The following OPA3 variants were observed in gnomAD, a reference collection of about 807,000 sequenced individuals.
OPA3 encodes the protein outer mitochondrial membrane lipid metabolism regulator OPA3.
In OPA3, 6 loss-of-function variants were observed where a neutral mutation model predicts 4.0. That is an observed-to-expected ratio of 1.51 (90% CI 0.83 to 2.99). The LOEUF is 2.99. OPA3 is among the 30% of genes most tolerant of loss of function. The pLI, the probability that OPA3 is intolerant of heterozygous loss-of-function variation, is 0.00. For missense variants in OPA3, 235 were observed against 256.2 expected (o/e 0.92, Z 0.56); for synonymous variants, 105 against 117.1 (o/e 0.90, Z 0.67).
chr19:45,577,420 C>CTT (rs2122509170), intron 1 of OPA3, among the ~76,000 whole-genome samples: 1 of 152,276 alleles, frequency 6.6e-6, no homozygotes, highest in South Asian at 2.1e-4. Context: ...CAGCAAAGGG[C>CTT]AATCAGCAGT....
intron 1 of OPA3, among the ~76,000 whole-genome samples, chr19:45,565,085 T>C (rs1463070620): frequency 2.7e-5 from 4 of 150,742 alleles, no homozygotes; most frequent in Admixed American, 6.6e-5. Flanking sequence ...AAAAAAAAAA[T>C]TAGCTGGGCG....
intron 1 of OPA3, among the ~76,000 whole-genome samples, chr19:45,557,566 G>A (rs1969440232): frequency 6.6e-6 from 1 of 152,110 alleles, no homozygotes; most frequent in Admixed American, 6.5e-5. Flanking sequence ...GCTAGAGACG[G>A]GGGCCTCAGC....
intron 1 of OPA3, among the ~76,000 whole-genome samples, chr19:45,555,119 A>T (rs1969401061): frequency 6.6e-6 from 1 of 152,214 alleles, no homozygotes; most frequent in Non-Finnish European, 1.5e-5. Context: ...GTAACTGCGC[A>T]CTAATAATTT....
rs936009312 is a variant in OPA3 at position 45,547,988 on chromosome 19, C to T, written c.*5526G>A. Reference sequence around the variant, plus strand: ...CTGAGATTACAGGTGTGAGCCACCACGCCTGGCCACTCTTTCCTTCTTTAT... The same window carrying T: ...CTGAGATTACAGGTGTGAGCCACCATGCCTGGCCACTCTTTCCTTCTTTAT... On this transcript the variant is annotated 3_prime_UTR_variant, in exon 2 of 2. Transcript: ENST00000263275. 8.0e-5 allele frequency: 38 copies of T among 474,046 alleles called. 1 individual carries two copies. The highest frequency in any genetic ancestry group is 7.0e-4 in the African/African-American group (33 of 47,332). The allele number at this position is 474,046 out of a possible 1,614,324, so 29.4% of individuals were successfully genotyped here.
rs1197031582 is a variant in OPA3 at position 45,550,291 on chromosome 19, C to T, written c.*3223G>A. The T allele has an allele frequency of 5.1e-6, 5 of 985,496 alleles. No individual in the cohort carries two copies. The highest frequency in any genetic ancestry group is 1.2e-4 in the Admixed American group (2 of 16,276). The allele number at this position is 985,496 out of a possible 1,614,324, so 61.0% of individuals were successfully genotyped here. On this transcript the variant is annotated 3_prime_UTR_variant, in exon 2 of 2. Transcript: ENST00000263275. ...AGAGAAGGGAGGTGAGGATGGAAGT[C>T]GGGGAAAGCCCGGCCCTCCCACTTT...
chr19:45,539,417 C>A (rs1034598141), intron 1 of OPA3, among the ~76,000 whole-genome samples: 5 of 152,226 alleles, frequency 3.3e-5, no homozygotes, highest in South Asian at 2.1e-4. Flanking sequence ...CATGGCGAAA[C>A]CCCTTCTCTA....
In OPA3 at chr19:45,529,062, C is replaced by CT. The variant is rs756360957; in HGVS notation, c.536dup (p.Lys180GlufsTer53). ...ACCAGGGCCCCGAGACCTCCTATTT[C>CT]TCGGACGCCGGCGCAACTGGGGGTG... On this transcript the variant is annotated frameshift_variant, in exon 2 of 2. Transcript: ENST00000323060. LOFTEE classifies it high-confidence loss of function. 1 of 1,599,754 alleles carries CT rather than the reference C, an allele frequency of 6.3e-7. No individual in the cohort carries two copies. Among genetic ancestry groups the CT allele is most frequent in the Non-Finnish European group, 8.5e-7 (1 of 1,172,850 alleles).
At chr19:45,559,049 A>G (rs1486833767) in intron 1 of OPA3, among the ~76,000 whole-genome samples, 1 of 151,820 alleles carries the variant, frequency 6.6e-6, no homozygotes, top group Non-Finnish European at 1.5e-5. Context: ...ATGTCCGACT[A>G]ATTTTTGTAT....
intron 1 of OPA3, among the ~76,000 whole-genome samples, chr19:45,572,849 A>T (rs1023002648): frequency 4.0e-4 from 57 of 142,604 alleles, no homozygotes; most frequent in Admixed American, 7.3e-4. Flanking sequence ...ATCTATATAT[A>T]TTTTTTTTTT....
intron 1 of OPA3, among the ~76,000 whole-genome samples, chr19:45,577,882 CA>C (rs1969792200): frequency 6.6e-6 from 1 of 152,096 alleles, no homozygotes; most frequent in African/African-American, 2.4e-5. Context: ...ATGTCAATGT[CA>C]AAAAACAAGG....
At chr19:45,534,044 G>A (rs1026017551) in intron 1 of OPA3, among the ~76,000 whole-genome samples, 1 of 152,192 alleles carries the variant, frequency 6.6e-6, no homozygotes, top group Non-Finnish European at 1.5e-5. Context: ...TTTATAAGAT[G>A]ATATCTTTAC....
At chr19:45,542,098 G>A (rs1969191907), downstream of OPA3, among the ~76,000 whole-genome samples, 1 of 152,174 alleles carries the variant, frequency 6.6e-6, no homozygotes, top group Non-Finnish European at 1.5e-5. Context: ...GGTGTGGTCA[G>A]GGCACCGAGT....
chr19:45,576,256 C>T lies in OPA3; in HGVS notation c.142+8367G>A, dbSNP rs147913386. Among the ~76,000 whole-genome samples the T allele has an allele frequency of 7.5e-3, 1,068 of 142,598 alleles. 14 individuals carry two copies. Among genetic ancestry groups the T allele is most frequent in the African/African-American group, 0.026 (1,000 of 38,122 alleles). The allele number at this position is 142,598 out of a possible 152,430, so 93.5% of individuals were successfully genotyped here. ...AAACAAAACAAAACAAAAAACTGGG[C>T]GCAGTGGCTCACGCCTGTAATCCCA... On this transcript the variant is annotated intron_variant, in intron 1 of 1. Transcript: ENST00000263275.
chr19:45,536,072 T>TACAA (rs1437856649), intron 1 of OPA3, among the ~76,000 whole-genome samples: 1 of 134,528 alleles, frequency 7.4e-6, no homozygotes. Flanking sequence ...ACTGAAAAAA[T>TACAA]TAAAAAATTA....
At position 45,569,589 on chromosome 19, in the gene OPA3, A is replaced by G. The variant is rs1969631726; in HGVS notation, c.142+15034T>C. Among the ~76,000 whole-genome samples, 3 of 152,132 alleles carry G rather than the reference A, an allele frequency of 2.0e-5. No individual in the cohort carries two copies. The South Asian group carries it at 6.2e-4, about 32-fold the overall frequency. ...TAGAGTTTAGAAGCCGATACTCACC[A>G]CTGCAACCTCCCATACACCAAGGGG... On this transcript the variant is annotated intron_variant, in intron 1 of 1. Coordinates refer to ENST00000263275, the MANE Select transcript of OPA3 (RefSeq NM_025136.4).
At chr19:45,582,274 T>A (rs1173722002) in intron 1 of OPA3, among the ~76,000 whole-genome samples, 1 of 151,710 alleles carries the variant, frequency 6.6e-6, no homozygotes, top group Non-Finnish European at 1.5e-5. Context: ...ATTCTCATGC[T>A]CCAGCCTCCC....
intron 1 of OPA3, among the ~76,000 whole-genome samples, chr19:45,557,116 T>C (rs1166989225): frequency 6.6e-6 from 1 of 152,176 alleles, no homozygotes; most frequent in African/African-American, 2.4e-5. Flanking sequence ...TCCTCTAGCC[T>C]TCCTGGGTGA....
At chr19:45,556,487 G>A (rs562374134) in intron 1 of OPA3, among the ~76,000 whole-genome samples, 13 of 151,676 alleles carry the variant, frequency 8.6e-5, no homozygotes, top group Admixed American at 2.0e-4. Flanking sequence ...CTCTGGAGCC[G>A]CTAGAACTAT....
chr19:45,559,211 C>T (rs992831759), intron 1 of OPA3, among the ~76,000 whole-genome samples: 1 of 151,726 alleles, frequency 6.6e-6, no homozygotes, highest in African/African-American at 2.4e-5. Context: ...GAGATCTTAA[C>T]CTATAATTTT....
Sources: allele counts gnomAD v4.1 joint callset (sites outside exome capture counted in the v4.1 genomes callset), GRCh38; gene constraint gnomAD v4.1.1; transcripts MANE v1.5; gene names NCBI Gene and HGNC (gene_info 2026-07-23, HGNC 2026-07-21).